The following IMMP2L variants were observed in gnomAD, a reference collection of about 807,000 sequenced individuals.
The protein encoded by IMMP2L is inner mitochondrial membrane peptidase subunit 2, also known as mitochondrial inner membrane protease subunit 2.
IMMP2L carries 18 observed loss-of-function variants against 19.3 expected under a neutral mutation model. The observed-to-expected ratio is 0.93, with a 90% CI of 0.64 to 1.38. The LOEUF (loss-of-function observed/expected upper bound fraction) is 1.38. Among genes scored for constraint, IMMP2L ranks in the 40% most tolerant of loss-of-function variants. The probability of loss-of-function intolerance (pLI) is 0.00; values close to 1 mark genes in which losing one functional copy is unlikely to be tolerated. For synonymous variants in IMMP2L, 76 were observed against 73.0 expected, an observed-to-expected ratio of 1.04 and a Z score of -0.21; for missense variants, 233 against 218.2, an observed-to-expected ratio of 1.07 and a Z score of -0.43.
At chr7:110,958,892 T>C (rs1818645058) in intron 4 of IMMP2L, among the ~76,000 whole-genome samples, 1 of 152,134 alleles carries the variant, frequency 6.6e-6, no homozygotes, top group African/African-American at 2.4e-5. Context: ...CAAAAGAGAA[T>C]GCAAGTGACA....
chr7:111,443,286 C>A (rs1444699550), intron 3 of IMMP2L, among the ~76,000 whole-genome samples: 1 of 151,940 alleles, frequency 6.6e-6, no homozygotes, highest in Non-Finnish European at 1.5e-5. Context: ...ATACAGTAAT[C>A]CAAATTTTCA....
At chr7:110,683,233 A>C (rs1199232727) in intron 5 of IMMP2L, among the ~76,000 whole-genome samples, 1 of 152,142 alleles carries the variant, frequency 6.6e-6, no homozygotes, top group Non-Finnish European at 1.5e-5. Context: ...CATATACATT[A>C]AATATATAAT....
intron 4 of IMMP2L, among the ~76,000 whole-genome samples, chr7:110,941,066 C>G (rs1437058760): frequency 1.3e-5 from 2 of 152,148 alleles, no homozygotes; most frequent in Non-Finnish European, 2.9e-5. Context: ...TGATAATACT[C>G]TCTTTAAAAT....
In IMMP2L at chr7:111,049,579, C is replaced by T. The variant is rs955282008; in HGVS notation, c.240-86014G>A. 2.6e-5 allele frequency among the ~76,000 whole-genome samples: 4 copies of T among 152,092 alleles called. 1 individual carries two copies. The highest frequency in any genetic ancestry group is 5.9e-5 in the Non-Finnish European group (4 of 68,012). ...TTCAGAATGTCTATTCCCTTTGATC[C>T]ACCCCTTAAATTCTACATACTTAGA... On this transcript the variant is annotated intron_variant, in intron 3 of 5. Transcript: ENST00000405709.
intron 3 of IMMP2L, among the ~76,000 whole-genome samples, chr7:111,158,307 G>A (rs1205886856): frequency 6.6e-6 from 1 of 152,120 alleles, no homozygotes; most frequent in Admixed American, 6.6e-5. Flanking sequence ...CACATATAGA[G>A]AGAATCATCA....
intron 3 of IMMP2L, among the ~76,000 whole-genome samples, chr7:111,109,111 T>C (rs1281354340): frequency 6.6e-6 from 1 of 152,130 alleles, no homozygotes; most frequent in African/African-American, 2.4e-5. Flanking sequence ...ATATTTTAAG[T>C]AAGGTGGTCC....
chr7:111,126,696 T>A (rs1801348003), intron 3 of IMMP2L, among the ~76,000 whole-genome samples: 1 of 152,144 alleles, frequency 6.6e-6, no homozygotes, highest in African/African-American at 2.4e-5. Context: ...AGGATTTCAG[T>A]CATTTTTACA....
chr7:111,047,063 G>A (rs2129572015), intron 3 of IMMP2L, among the ~76,000 whole-genome samples: 1 of 152,266 alleles, frequency 6.6e-6, no homozygotes, highest in South Asian at 2.1e-4. Context: ...GGAATCATTT[G>A]CTTACACTTT....
intron 5 of IMMP2L, among the ~76,000 whole-genome samples, chr7:110,729,755 G>A (rs560719003): frequency 8.5e-5 from 13 of 152,194 alleles, no homozygotes; most frequent in Middle Eastern, 6.8e-3. Flanking sequence ...CCCACACTGG[G>A]GCCTATCAGT....
At chr7:110,736,926 A>G (rs905257410) in intron 5 of IMMP2L, among the ~76,000 whole-genome samples, 3 of 152,192 alleles carry the variant, frequency 2.0e-5, no homozygotes, top group African/African-American at 7.2e-5. Flanking sequence ...GGGATTTTGG[A>G]ATGGAATGAA....
At chr7:111,209,702 C>G (rs1308802669) in intron 3 of IMMP2L, among the ~76,000 whole-genome samples, 1 of 152,152 alleles carries the variant, frequency 6.6e-6, no homozygotes, top group African/African-American at 2.4e-5. Flanking sequence ...AGAGACTGAT[C>G]ACTCTAGCAA....
At chr7:111,178,953 G>A (rs1349417690) in intron 3 of IMMP2L, among the ~76,000 whole-genome samples, 1 of 151,938 alleles carries the variant, frequency 6.6e-6, no homozygotes, top group Non-Finnish European at 1.5e-5. Flanking sequence ...CTAGAATGGT[G>A]ACTCCCTTCC....
At chr7:111,480,449 G>T (rs1452164556) in intron 3 of IMMP2L, among the ~76,000 whole-genome samples, 1 of 151,598 alleles carries the variant, frequency 6.6e-6, no homozygotes, top group African/African-American at 2.4e-5. Context: ...CAAATAATAA[G>T]AATAATAATA....
intron 3 of IMMP2L, among the ~76,000 whole-genome samples, chr7:110,977,651 G>A (rs1302274155): frequency 4.6e-5 from 7 of 151,842 alleles, no homozygotes; most frequent in Non-Finnish European, 1.0e-4. Flanking sequence ...TCAAATAAAT[G>A]CCAAATGACT....
intron 5 of IMMP2L, among the ~76,000 whole-genome samples, chr7:110,871,819 T>C (rs1039415028): frequency 3.9e-5 from 6 of 152,180 alleles, no homozygotes; most frequent in African/African-American, 1.4e-4. Flanking sequence ...TATGAAATAC[T>C]ATCTGGCACA....
chr7:111,270,937 A>G (rs957884985), intron 3 of IMMP2L, among the ~76,000 whole-genome samples: 3 of 152,138 alleles, frequency 2.0e-5, no homozygotes, highest in Non-Finnish European at 4.4e-5. Flanking sequence ...AGGACCACAT[A>G]ACTCCCGCTA....
At chr7:111,124,694 G>C in intron 3 of IMMP2L, 1 of 1,613,852 alleles carries the variant, frequency 6.2e-7, no homozygotes, top group Non-Finnish European at 8.5e-7. Context: ...GGGATTATTG[G>C]TGTGATATGT....
intron 5 of IMMP2L, among the ~76,000 whole-genome samples, chr7:110,861,586 G>A (rs548746830): frequency 4.7e-4 from 72 of 151,922 alleles, no homozygotes; most frequent in Admixed American, 2.6e-3. Context: ...TTTTTAATCC[G>A]GAAAGGTTTA....
chr7:110,696,473 C>G (rs1355821103), intron 5 of IMMP2L, among the ~76,000 whole-genome samples: 1 of 137,464 alleles, frequency 7.3e-6, no homozygotes, highest in Non-Finnish European at 1.5e-5. Flanking sequence ...GTTGCCCAGG[C>G]TGGAATGTAA....
Sources: gnomAD v4.1 joint callset for allele counts (sites outside exome capture counted in the v4.1 genomes callset) on GRCh38, gnomAD v4.1.1 for gene constraint, MANE v1.5 for transcripts, NCBI Gene and HGNC (gene_info 2026-07-23, HGNC 2026-07-21) for gene names.